The following LPCAT2 variants were observed in gnomAD, a reference collection of about 807,000 sequenced individuals.
LPCAT2 encodes lysophosphatidylcholine acyltransferase 2, also known as 1-AGP acyltransferase 11.
LPCAT2 carries 58 observed loss-of-function variants against 64.7 expected under a neutral mutation model. That is an observed-to-expected ratio of 0.90 (90% CI 0.73 to 1.12). The LOEUF is 1.12. LPCAT2 is among the 50% of genes most tolerant of loss of function. The probability of loss-of-function intolerance (pLI) is 0.00; values close to 1 mark genes in which losing one functional copy is unlikely to be tolerated. For missense variants in LPCAT2, 579 were observed against 669.8 expected, an observed-to-expected ratio of 0.86 and a Z score of 1.50; for synonymous variants, 252 against 245.3, an observed-to-expected ratio of 1.03 and a Z score of -0.26.
chr16:55,550,638 G>A (rs939496228), intron 10 of LPCAT2, among the ~76,000 whole-genome samples: 7 of 152,078 alleles, frequency 4.6e-5, no homozygotes, highest in African/African-American at 9.7e-5. Context: ...AATGCGGGCC[G>A]GGCGTGGTGG....
At chr16:55,517,011 A>T (rs1443548093) in intron 1 of LPCAT2, among the ~76,000 whole-genome samples, 3 of 152,226 alleles carry the variant, frequency 2.0e-5, no homozygotes, top group African/African-American at 7.2e-5. Flanking sequence ...TGTCAAAATT[A>T]AATTACTTCT....
intron 11 of LPCAT2, among the ~76,000 whole-genome samples, chr16:55,572,566 A>C (rs1418067991): frequency 1.3e-5 from 2 of 152,198 alleles, no homozygotes; most frequent in Non-Finnish European, 2.9e-5. Flanking sequence ...CAAAGAAGGA[A>C]ATGATTTCCT....
intron 8 of LPCAT2, 158 bp from the exon 9 acceptor site, chr16:55,545,577 G>C: frequency 1.9e-6 from 1 of 518,300 alleles, no homozygotes; most frequent in Non-Finnish European, 3.5e-6. Context: ...CTTAGAAACA[G>C]ATCTCCTGAG....
intron 11 of LPCAT2, among the ~76,000 whole-genome samples, chr16:55,562,429 T>A (rs1963646751): frequency 6.6e-6 from 1 of 151,972 alleles, no homozygotes; most frequent in Non-Finnish European, 1.5e-5. Context: ...TAGGACAGTG[T>A]ACTAGCTGCG....
chr16:55,509,627 G>T (rs1175902614), intron 1 of LPCAT2, among the ~76,000 whole-genome samples: 2 of 151,984 alleles, frequency 1.3e-5, no homozygotes, highest in South Asian at 4.1e-4. Context: ...CGAGGGGCGC[G>T]TGGGTCTGAG....
intron 1 of LPCAT2, among the ~76,000 whole-genome samples, chr16:55,514,691 A>G (rs189042563): frequency 6.6e-5 from 10 of 152,354 alleles, no homozygotes; most frequent in Admixed American, 2.6e-4. Context: ...AAAACAAAGT[A>G]TAGCTTATAA....
intron 1 of LPCAT2, among the ~76,000 whole-genome samples, chr16:55,521,777 A>T (rs893152718): frequency 1.3e-5 from 2 of 151,678 alleles, no homozygotes; most frequent in African/African-American, 4.8e-5. Flanking sequence ...TCATTAACTC[A>T]CCTGACAAAA....
At position 55,528,304 on chromosome 16, in the gene LPCAT2, T is replaced by G. The variant is rs1359920655; in HGVS notation, c.312-73T>G. 2.6e-6 allele frequency: 3 copies of G among 1,152,806 alleles called. No individual in the cohort carries two copies. In the Admixed American group the frequency reaches 6.7e-5, roughly 26 times the overall value. 71.4% of individuals were successfully genotyped at this position (1,152,806 alleles called of 1,614,324 possible). A position where few individuals can be genotyped will look rare whatever the true frequency, so the allele number is the denominator to read the frequency against. Reference sequence around the variant, plus strand: ...CTCTGACATGTTTTGGTTTTCTTATTGTATTATAGAGTAAAACCCTGCTGC... The same window carrying G: ...CTCTGACATGTTTTGGTTTTCTTATGGTATTATAGAGTAAAACCCTGCTGC... On this transcript the variant is annotated intron_variant, in intron 2 of 13. Coordinates refer to ENST00000262134, the MANE Select transcript of LPCAT2 (RefSeq NM_017839.5).
rs150479324 is a variant in LPCAT2 at position 55,580,827 on chromosome 16, T to C, written c.1450+1583T>C. Reference sequence around the variant, plus strand: ...GATCAGTGGAGGCATTAGATTCTCATAGGAGCGCATGAACCCTATTGTGAA... The same window carrying C: ...GATCAGTGGAGGCATTAGATTCTCACAGGAGCGCATGAACCCTATTGTGAA... On this transcript the variant is annotated intron_variant, in intron 13 of 13. Transcript: ENST00000262134. 0.024 allele frequency among the ~76,000 whole-genome samples: 2,119 copies of C among 86,834 alleles called. 112 individuals are homozygous for C. The East Asian group carries it at 0.29, about 12-fold the overall frequency. 57.0% of individuals were successfully genotyped at this position (86,834 alleles called of 152,430 possible). A position where few individuals can be genotyped will look rare whatever the true frequency, so the allele number is the denominator to read the frequency against.
chr16:55,509,273 G>A lies in LPCAT2; in HGVS notation c.92G>A (p.Arg31His). The A allele has an allele frequency of 6.6e-7, 1 of 1,511,284 alleles. No homozygotes were observed. The highest frequency in any genetic ancestry group is 8.9e-7 in the Non-Finnish European group (1 of 1,122,746). The allele number at this position is 1,511,284 out of a possible 1,614,324, so 93.6% of individuals were successfully genotyped here. The change falls in exon 1 of 14, where the codon CGT becomes CAT. Residue 31 changes from arginine (R) to histidine (H), a missense_variant. Coordinates refer to ENST00000262134, the MANE Select transcript of LPCAT2 (RefSeq NM_017839.5). The stretch of plus-strand genomic sequence containing the variant: ...GGGCTGCGGCCGCCCATGGTGCCCC[G>A]TCAGGCGTCCTTCTTCCCGCCGCCG... ...NVGLRPPMVP[R>H]QASFFPPPVP...
At chr16:55,510,188 A>C (rs1173726003) in intron 1 of LPCAT2, among the ~76,000 whole-genome samples, 1 of 152,122 alleles carries the variant, frequency 6.6e-6, no homozygotes, top group Non-Finnish European at 1.5e-5. Context: ...AGGATGTTCA[A>C]GAAGTTTTGG....
chr16:55,510,361 G>A (rs1052912503), intron 1 of LPCAT2, among the ~76,000 whole-genome samples: 1 of 145,360 alleles, frequency 6.9e-6, no homozygotes, highest in Admixed American at 7.3e-5. Flanking sequence ...ATTGGCAGTT[G>A]CACTCTTTGG....
chr16:55,539,252 T>C (rs1356686454), intron 8 of LPCAT2: 3 of 150,364 alleles, frequency 2.0e-5, no homozygotes, highest in Non-Finnish European at 4.4e-5. Context: ...GCTTTCTTTT[T>C]TTTTTTCTGT....
chr16:55,524,087 C>T (rs1465815659), intron 1 of LPCAT2, among the ~76,000 whole-genome samples: 2 of 151,668 alleles, frequency 1.3e-5, no homozygotes, highest in Non-Finnish European at 3.0e-5. Flanking sequence ...TAGGTATTTA[C>T]TTAAGAGAAA....
Position 55,585,028 on chromosome 16 carries a change from T to G in LPCAT2, c.*1930T>G, listed in dbSNP as rs1334739855. The G allele has an allele frequency of 6.6e-6, 1 of 152,206 alleles. No individual in the cohort carries two copies. Among genetic ancestry groups the G allele is most frequent in the Non-Finnish European group, 1.5e-5 (1 of 68,012 alleles). 9.4% of individuals were successfully genotyped at this position (152,206 alleles called of 1,614,324 possible). A position where few individuals can be genotyped will look rare whatever the true frequency, so the allele number is the denominator to read the frequency against. ...ATCATGAAAGCGTAGCATTGTAAAT[T>G]AAAGGTTTTCTTTGAGGCTCTTGAA... On this transcript the variant is annotated 3_prime_UTR_variant, in exon 14 of 14. Coordinates refer to ENST00000262134, the MANE Select transcript of LPCAT2 (RefSeq NM_017839.5).
rs1341327693 is a variant in LPCAT2, at chr16:55,577,568, A to C, written c.1315-1541A>C. ...GAGGGTTGAGTGAGTTAGTACATGT[A>C]AAGTGATTTGAACACTTTTGATCAG... On this transcript the variant is annotated intron_variant, in intron 12 of 13. Coordinates refer to ENST00000262134, the MANE Select transcript of LPCAT2 (RefSeq NM_017839.5). Among the ~76,000 whole-genome samples the C allele has an allele frequency of 3.3e-5, 5 of 152,282 alleles. No individual in the cohort carries two copies. In the East Asian group the frequency reaches 9.7e-4, roughly 29 times the overall value.
chr16:55,539,542 G>T (rs1453414944), intron 8 of LPCAT2: 1 of 151,942 alleles, frequency 6.6e-6, no homozygotes, highest in Non-Finnish European at 1.5e-5. Context: ...TTTCACCCAG[G>T]TGACTCCTAA....
intron 1 of LPCAT2, among the ~76,000 whole-genome samples, chr16:55,510,069 C>T (rs1962908822): frequency 6.9e-6 from 1 of 145,428 alleles, no homozygotes; most frequent in East Asian, 2.0e-4. Context: ...GGCAGAGAGC[C>T]TAGGTCTGTG....
chr16:55,516,043 A>C (rs1276560783), intron 1 of LPCAT2, among the ~76,000 whole-genome samples: 1 of 152,220 alleles, frequency 6.6e-6, no homozygotes, highest in Non-Finnish European at 1.5e-5. Flanking sequence ...AATTAAAATT[A>C]AGATTCACAG....
Sources: gnomAD v4.1 joint callset for allele counts (sites outside exome capture counted in the v4.1 genomes callset) on GRCh38, gnomAD v4.1.1 for gene constraint, MANE v1.5 for transcripts, NCBI Gene and HGNC (gene_info 2026-07-23, HGNC 2026-07-21) for gene names.